The following NME7 variants were observed in gnomAD, a reference collection of about 807,000 sequenced individuals.
NME7 encodes the protein nucleoside diphosphate kinase 7.
NME7 carries 41 observed loss-of-function variants against 49.1 expected under a neutral mutation model. That is an observed-to-expected ratio of 0.83 (90% CI 0.65 to 1.08). NME7 has a LOEUF of 1.08. Ranked by LOEUF, NME7 falls within the 50% of genes least tolerant of loss-of-function variation. The probability of loss-of-function intolerance (pLI) is 0.00; values close to 1 mark genes in which losing one functional copy is unlikely to be tolerated. For missense variants in NME7, 423 were observed against 463.4 expected (o/e 0.91, Z 0.80); for synonymous variants, 139 against 150.6 (o/e 0.92, Z 0.56).
chr1:169,189,631 T>A (rs181185703), intron 10 of NME7, among the ~76,000 whole-genome samples: 20 of 152,326 alleles, frequency 1.3e-4, no homozygotes, highest in Admixed American at 4.6e-4. Flanking sequence ...TTTTCTTTTC[T>A]TATATTATTT....
chr1:169,238,477 G>GCACACGCACACACACA (rs377689410), intron 7 of NME7, among the ~76,000 whole-genome samples: 47 of 124,150 alleles, frequency 3.8e-4, no homozygotes, highest in African/African-American at 1.3e-3. Flanking sequence ...ATGCACAAAG[G>GCACACGCACACACACA]CACACACACA....
At chr1:169,156,672 G>A (rs1307474421) in intron 11 of NME7, among the ~76,000 whole-genome samples, 6 of 152,186 alleles carry the variant, frequency 3.9e-5, no homozygotes, top group Non-Finnish European at 2.9e-5. Context: ...CTGAAGAAAG[G>A]TGGAGCTGGC....
chr1:169,334,687 T>C (rs1652390960), intron 1 of NME7, among the ~76,000 whole-genome samples: 1 of 152,100 alleles, frequency 6.6e-6, no homozygotes, highest in Admixed American at 6.6e-5. Flanking sequence ...CGAATGCGAT[T>C]GCAACAAAAG....
intron 10 of NME7, among the ~76,000 whole-genome samples, chr1:169,173,828 A>C (rs770999651): frequency 2.0e-5 from 3 of 152,196 alleles, no homozygotes; most frequent in Non-Finnish European, 4.4e-5. Flanking sequence ...AGCAATTATG[A>C]GATCATAAAA....
At chr1:169,354,831 A>G (rs1030695973) in intron 1 of NME7, among the ~76,000 whole-genome samples, 5 of 136,140 alleles carry the variant, frequency 3.7e-5, no homozygotes, top group African/African-American at 5.4e-5. Flanking sequence ...TATATAATAC[A>G]TAATAGATAT....
intron 9 of NME7, among the ~76,000 whole-genome samples, chr1:169,232,566 G>C (rs1016656425): frequency 2.0e-5 from 3 of 148,000 alleles, no homozygotes; most frequent in Non-Finnish European, 4.5e-5. Context: ...TGGGGGGGGG[G>C]CAGGGGAAAG....
intron 11 of NME7, among the ~76,000 whole-genome samples, chr1:169,140,409 T>C (rs1407000115): frequency 1.3e-5 from 2 of 152,170 alleles, no homozygotes; most frequent in African/African-American, 4.8e-5. Flanking sequence ...AATCTAAAAA[T>C]TGAAGATAAT....
chr1:169,154,975 A>C (rs79274436), intron 11 of NME7, among the ~76,000 whole-genome samples: 1 of 151,838 alleles, frequency 6.6e-6, no homozygotes, highest in African/African-American at 2.4e-5. Context: ...ATAATTTAAA[A>C]AAATTTTTTT....
intron 7 of NME7, among the ~76,000 whole-genome samples, chr1:169,255,829 GT>G (rs1648904615): frequency 7.6e-6 from 1 of 131,086 alleles, no homozygotes; most frequent in African/African-American, 2.6e-5. Flanking sequence ...ATGAAGCTTA[GT>G]TTGGCTGGAT....
intron 10 of NME7, among the ~76,000 whole-genome samples, chr1:169,185,202 G>C (rs538158337): frequency 6.6e-6 from 1 of 152,140 alleles, no homozygotes; most frequent in Non-Finnish European, 1.5e-5. Flanking sequence ...TCCACTGTTT[G>C]TAAGTCCAAC....
intron 11 of NME7, among the ~76,000 whole-genome samples, chr1:169,139,208 A>G (rs1439544093): frequency 6.6e-6 from 1 of 152,130 alleles, no homozygotes; most frequent in Non-Finnish European, 1.5e-5. Flanking sequence ...TTATCGGTCA[A>G]TTTTTCCATA....
In NME7 at chr1:169,325,026, T is replaced by G. The variant is rs546085123; in HGVS notation, c.4-526A>C. ...AGTATCTTTTTATAGAAATAGAGAA[T>G]GTGTTAGTCTAGGACCTCTGAAAAT... On this transcript the variant is annotated intron_variant, in intron 1 of 11. Coordinates refer to ENST00000367811, the MANE Select transcript of NME7 (RefSeq NM_013330.5). 2.6e-5 allele frequency among the ~76,000 whole-genome samples: 4 copies of G among 152,194 alleles called. No individual in the cohort carries two copies. In the South Asian group the frequency reaches 8.3e-4, roughly 32 times the overall value.
chr1:169,148,127 T>G (rs759624710), intron 11 of NME7, among the ~76,000 whole-genome samples: 1 of 152,098 alleles, frequency 6.6e-6, no homozygotes, highest in African/African-American at 2.4e-5. Context: ...CTCAGCCTCC[T>G]GAGTAACTGG....
At chr1:169,166,009 T>C (rs751734813) in intron 11 of NME7, among the ~76,000 whole-genome samples, 8 of 152,178 alleles carry the variant, frequency 5.3e-5, no homozygotes, top group Admixed American at 2.6e-4. Flanking sequence ...ATCAGAAAAA[T>C]TGCAATCATT....
intron 10 of NME7, among the ~76,000 whole-genome samples, chr1:169,181,377 AC>A (rs1557976791): frequency 9.9e-5 from 15 of 151,232 alleles, no homozygotes; most frequent in Non-Finnish European, 1.9e-4. Flanking sequence ...ACACACACAC[AC>A]ACACACACAC....
intron 10 of NME7, among the ~76,000 whole-genome samples, chr1:169,194,042 A>T (rs1320609802): frequency 6.6e-6 from 1 of 152,144 alleles, no homozygotes; most frequent in African/African-American, 2.4e-5. Context: ...AACATACTGA[A>T]AAATAGCGAG....
At chr1:169,256,593 T>C (rs1472815229) in intron 7 of NME7, among the ~76,000 whole-genome samples, 1 of 131,066 alleles carries the variant, frequency 7.6e-6, no homozygotes, top group Admixed American at 7.5e-5. Flanking sequence ...CCAGCTTTGT[T>C]CCGTTGCCGG....
chr1:169,271,679 G>C (rs1031327004), intron 7 of NME7, among the ~76,000 whole-genome samples: 1 of 132,936 alleles, frequency 7.5e-6, no homozygotes, highest in Admixed American at 7.5e-5. Context: ...CTTTTTTTGG[G>C]AAGTCAGCAG....
rs907347917 is a variant in NME7, at chr1:169,262,339, T to C, written c.755-24652A>G. ...AGGCATAGCACAGAAGAATCATCAA[T>C]TGATAACCCACAGAATTGTGAAAAA... is the stretch of plus-strand genomic sequence containing the variant. On this transcript the variant is annotated intron_variant, in intron 7 of 11. Transcript: ENST00000367811. Among the ~76,000 whole-genome samples the C allele has an allele frequency of 3.0e-5, 4 of 134,620 alleles. 1 individual carries two copies. Among genetic ancestry groups the C allele is most frequent in the African/African-American group, 5.0e-5 (2 of 39,756 alleles). 88.3% of individuals were successfully genotyped at this position (134,620 alleles called of 152,430 possible). A position where few individuals can be genotyped will look rare whatever the true frequency, so the allele number is the denominator to read the frequency against.
Sources: gnomAD v4.1 joint callset for allele counts (sites outside exome capture counted in the v4.1 genomes callset) on GRCh38, gnomAD v4.1.1 for gene constraint, MANE v1.5 for transcripts, NCBI Gene and HGNC (gene_info 2026-07-23, HGNC 2026-07-21) for gene names.